Variants in CFI observed in about 807,000 individuals in gnomAD.
CFI encodes the protein complement factor I.
In CFI, 66 loss-of-function variants were observed where a neutral mutation model predicts 78.8. The ratio of observed to expected loss-of-function variants is 0.84; its 90% confidence interval spans 0.69 to 1.03. CFI has a LOEUF of 1.03. Among genes scored for constraint, CFI ranks in the 50% least tolerant of loss-of-function variants. The pLI, the probability that CFI is intolerant of heterozygous loss-of-function variation, is 0.00. For missense variants in CFI, 706 were observed against 704.5 expected (o/e 1.00, Z -0.02); for synonymous variants, 250 against 232.6 (o/e 1.07, Z -0.68).
At chr4:109,771,167 G>C (rs911497742) in intron 1 of CFI, among the ~76,000 whole-genome samples, 1 of 150,812 alleles carries the variant, frequency 6.6e-6, no homozygotes, top group Non-Finnish European at 1.5e-5. Flanking sequence ...TGAGGCCAGC[G>C]GATCATGAGG....
At chr4:109,743,838 A>G (rs913873825) in intron 11 of CFI, among the ~76,000 whole-genome samples, 1 of 152,084 alleles carries the variant, frequency 6.6e-6, no homozygotes, top group Non-Finnish European at 1.5e-5. Context: ...TCTCTACAAA[A>G]AATACAAAAA....
At chr4:109,739,531 G>A (rs1723585388), downstream of CFI, among the ~76,000 whole-genome samples, 1 of 152,014 alleles carries the variant, frequency 6.6e-6, no homozygotes, top group Non-Finnish European at 1.5e-5. Context: ...AATAGCCTTG[G>A]GGTCGGGTGG....
intron 3 of CFI, among the ~76,000 whole-genome samples, chr4:109,762,811 C>G (rs1727254024): frequency 6.6e-6 from 1 of 152,182 alleles, no homozygotes; most frequent in Non-Finnish European, 1.5e-5. Flanking sequence ...ATGCCATCTT[C>G]TTCCTCAATG....
At chr4:109,731,854 A>C in the CFI span, among the ~76,000 whole-genome samples, 4 of 152,210 alleles carry the variant, frequency 2.6e-5, no homozygotes, top group African/African-American at 7.2e-5. Context: ...AAAATACCAC[A>C]GATATTTTTA....
At position 109,749,583 on chromosome 4, in the gene CFI, T is replaced by A. The variant is rs1724895316; in HGVS notation, c.960A>T (p.Ser320=). The A allele has an allele frequency of 6.2e-7, 1 of 1,604,808 alleles. No homozygotes were observed. Among genetic ancestry groups the A allele is most frequent in the Non-Finnish European group, 8.5e-7 (1 of 1,171,650 alleles). ...CTCCACAAGATAGTTTAGGTAATAA[T>A]GATTTTATCCGTCTTCTTTCTTCAA... ...DMDAERRRIK[S]LLPKLSCGVK... The change falls in exon 9 of 13, where the codon TCA becomes TCT. Residue 320 remains serine, a synonymous_variant. Coordinates refer to ENST00000394634, the MANE Select transcript of CFI (RefSeq NM_000204.5).
Position 109,766,584 on chromosome 4 carries a change from A to C in CFI, c.298T>G (p.Phe100Val), listed in dbSNP as rs1727784177. ...SLECLHPGTK[F>V]LNNGTCTAEG... ...GCTGTGCATGTTCCGTTATTTAAAA[A>C]CTTTGTCCCTGGATGAAGACATTCC... The change falls in exon 2 of 13, where the codon TTT (phenylalanine) becomes GTT (valine). Residue 100 changes from phenylalanine (F) to valine (V), a missense_variant. Transcript: ENST00000394634. 6.2e-7 allele frequency: 1 copy of C among 1,614,190 alleles called. No individual in the cohort carries two copies. Among genetic ancestry groups the C allele is most frequent in the African/African-American group, 1.3e-5 (1 of 75,046 alleles).
intron 1 of CFI, among the ~76,000 whole-genome samples, chr4:109,787,329 G>A (rs1560564250): frequency 6.6e-6 from 1 of 152,062 alleles, no homozygotes; most frequent in Non-Finnish European, 1.5e-5. Context: ...CATTGAAAGA[G>A]TTTTAGGCCC....
the CFI span, among the ~76,000 whole-genome samples, chr4:109,732,806 A>G: frequency 4.0e-5 from 6 of 151,100 alleles, no homozygotes; most frequent in African/African-American, 1.5e-4. Flanking sequence ...GCAATGAGCC[A>G]AGATCGTGCC....
chr4:109,786,772 A>C (rs1464348550), intron 1 of CFI, among the ~76,000 whole-genome samples: 6 of 152,252 alleles, frequency 3.9e-5, no homozygotes, highest in South Asian at 2.1e-4. Context: ...AGATAGTGTG[A>C]GGATCAGATG....
chr4:109,790,249 A>G (rs1234792896), intron 1 of CFI, among the ~76,000 whole-genome samples: 5 of 151,922 alleles, frequency 3.3e-5, no homozygotes. Flanking sequence ...GGCTATTTCC[A>G]AAGAACGAAC....
At chr4:109,736,271 T>C (rs1287466803), downstream of CFI, among the ~76,000 whole-genome samples, 1 of 152,208 alleles carries the variant, frequency 6.6e-6, no homozygotes, top group Non-Finnish European at 1.5e-5. Context: ...AGACTCTTTT[T>C]CCTGGGTCTG....
At chr4:109,733,406 A>G in the CFI span, among the ~76,000 whole-genome samples, 1 of 152,208 alleles carries the variant, frequency 6.6e-6, no homozygotes, top group South Asian at 2.1e-4. Context: ...GACAGACATC[A>G]TTAGTTGCAA....
the CFI span, among the ~76,000 whole-genome samples, chr4:109,734,591 C>G: frequency 6.6e-6 from 1 of 152,254 alleles, no homozygotes; most frequent in South Asian, 2.1e-4. Context: ...ATCACACGGT[C>G]AGGAGTTCGA....
intron 8 of CFI, 40 bp from the exon 9 acceptor site, chr4:109,749,642 C>T (rs1321711275): frequency 1.5e-6 from 2 of 1,350,106 alleles, no homozygotes; most frequent in Non-Finnish European, 2.1e-6. Flanking sequence ...TTATCTTGAA[C>T]CCATTAGCGT....
At chr4:109,760,238 T>C (rs1162390153) in intron 6 of CFI, 32 bp downstream of exon 6, 41 of 1,479,972 alleles carry the variant, frequency 2.8e-5, no homozygotes, top group Non-Finnish European at 3.9e-5. Flanking sequence ...GATTCAATAA[T>C]GAAAAAAAGT....
At chr4:109,756,925 G>GAAAGAAAT in intron 7 of CFI, among the ~76,000 whole-genome samples, 1 of 142,104 alleles carries the variant, frequency 7.0e-6, no homozygotes, top group African/African-American at 2.6e-5. Flanking sequence ...AAGAAAGAAA[G>GAAAGAAAT]AAAGAAAGAA....
chr4:109,777,593 G>A (rs549593054), intron 1 of CFI, among the ~76,000 whole-genome samples: 1 of 152,090 alleles, frequency 6.6e-6, no homozygotes, highest in African/African-American at 2.4e-5. Flanking sequence ...AGTTAACAAG[G>A]ATATCCAGGA....
intron 1 of CFI, among the ~76,000 whole-genome samples, chr4:109,785,045 TC>T (rs1193767253): frequency 2.0e-5 from 3 of 152,060 alleles, no homozygotes; most frequent in Non-Finnish European, 4.4e-5. Flanking sequence ...TGTAATATTC[TC>T]CCCACCCTTG....
intron 3 of CFI, among the ~76,000 whole-genome samples, chr4:109,763,390 T>A (rs978613386): frequency 5.9e-5 from 9 of 152,128 alleles, no homozygotes; most frequent in Middle Eastern, 3.4e-3. Flanking sequence ...GAAAGATTTT[T>A]AAAAATCTTT....
Sources: gnomAD v4.1 joint callset for allele counts (sites outside exome capture counted in the v4.1 genomes callset) on GRCh38, gnomAD v4.1.1 for gene constraint, MANE v1.5 for transcripts, NCBI Gene and HGNC (gene_info 2026-07-23, HGNC 2026-07-21) for gene names.